Variants in DGKB observed in about 807,000 individuals in gnomAD.
DGKB encodes the protein diacylglycerol kinase beta.
Under a neutral mutation model 114.3 loss-of-function variants are expected in DGKB, and 67 were observed. The ratio of observed to expected loss-of-function variants is 0.59; its 90% CI spans 0.48 to 0.72. The LOEUF is 0.72. DGKB is among the 30% of genes least tolerant of loss of function. DGKB has a pLI of 0.00. For synonymous variants in DGKB, 398 were observed against 323.1 expected (o/e 1.23, Z -2.49); for missense variants, 907 against 975.2 (o/e 0.93, Z 0.93).
At chr7:14,159,219 C>T (rs1358200543) in intron 25 of DGKB, among the ~76,000 whole-genome samples, 1 of 152,142 alleles carries the variant, frequency 6.6e-6, no homozygotes, top group Non-Finnish European at 1.5e-5. Context: ...TGTCTTCCTT[C>T]TGAACCCTGT....
At chr7:14,956,900 T>C (rs1321096562) in intron 1 of DGKB, among the ~76,000 whole-genome samples, 1 of 151,898 alleles carries the variant, frequency 6.6e-6, no homozygotes, top group African/African-American at 2.4e-5. Context: ...AGTTAAACAT[T>C]CTTGTAGCCT....
chr7:14,622,452 C>A (rs1378646379), intron 14 of DGKB, among the ~76,000 whole-genome samples: 4 of 152,066 alleles, frequency 2.6e-5, no homozygotes, highest in African/African-American at 9.7e-5. Context: ...ATGTATAATT[C>A]TTGTTCTGAT....
At chr7:14,753,714 A>T (rs903479637) in intron 4 of DGKB, among the ~76,000 whole-genome samples, 2 of 152,184 alleles carry the variant, frequency 1.3e-5, no homozygotes, top group African/African-American at 4.8e-5. Context: ...CTATTAAGGT[A>T]CCAGCTCCTA....
At chr7:14,546,360 A>G (rs1794280763) in intron 20 of DGKB, among the ~76,000 whole-genome samples, 1 of 152,132 alleles carries the variant, frequency 6.6e-6, no homozygotes, top group African/African-American at 2.4e-5. Flanking sequence ...CTGTGGCTCA[A>G]GTAGAAATAT....
intron 2 of DGKB, among the ~76,000 whole-genome samples, chr7:14,798,904 T>C (rs918999637): frequency 6.6e-6 from 1 of 152,184 alleles, no homozygotes; most frequent in Non-Finnish European, 1.5e-5. Flanking sequence ...TGGAAGACAA[T>C]ACTACCGTCA....
chr7:14,505,468 G>A (rs13234346), intron 20 of DGKB, among the ~76,000 whole-genome samples: 1 of 149,096 alleles, frequency 6.7e-6, no homozygotes, highest in Non-Finnish European at 1.5e-5. Flanking sequence ...AAAAAAAAAA[G>A]AAAAAGAAAA....
At chr7:14,194,865 A>G (rs1784800975) in intron 23 of DGKB, among the ~76,000 whole-genome samples, 1 of 150,760 alleles carries the variant, frequency 6.6e-6, no homozygotes, top group Non-Finnish European at 1.5e-5. Flanking sequence ...AGGAAAGACC[A>G]GAAATCACAG....
chr7:14,931,849 C>T (rs989912892), intron 1 of DGKB, among the ~76,000 whole-genome samples: 7 of 141,332 alleles, frequency 5.0e-5, no homozygotes, highest in East Asian at 2.5e-4. Flanking sequence ...CGGGGTGGGT[C>T]GGGGGGTGGG....
At chr7:14,160,016 A>G (rs1330115975) in intron 25 of DGKB, among the ~76,000 whole-genome samples, 1 of 152,140 alleles carries the variant, frequency 6.6e-6, no homozygotes. Context: ...AGAGTTGTAA[A>G]TTATATTTAT....
chr7:14,345,388 C>A lies in DGKB; in HGVS notation c.1839G>T (p.Met613Ile), dbSNP rs1290899001. 2 of 1,527,988 alleles carry A rather than the reference C, an allele frequency of 1.3e-6. No homozygotes were observed. Among genetic ancestry groups the A allele is most frequent in the African/African-American group, 1.4e-5 (1 of 72,274 alleles). 94.7% of individuals were successfully genotyped at this position (1,527,988 alleles called of 1,614,324 possible). The change falls in exon 22 of 26, where the codon ATG becomes ATT. Residue 613 changes from methionine (M) to isoleucine (I), a missense_variant. By Grantham distance (10) the Met-to-Ile change is conservative. Coordinates refer to ENST00000402815, the MANE Select transcript of DGKB (RefSeq NM_001350709.2). The stretch of plus-strand genomic sequence containing the variant: ...ACTCAAAATACCAAAATTTGTTCTT[C>A]ATTCTGAAAAAGAAAAGGAAGAAGC... The part of the protein sequence containing the change: ...EKHPEKFNSR[M>I]KNKFWYFEFG...
chr7:14,274,018 T>A (rs1798637763), intron 23 of DGKB, among the ~76,000 whole-genome samples: 1 of 152,240 alleles, frequency 6.6e-6, no homozygotes, highest in Admixed American at 6.5e-5. Context: ...GAGATTATTC[T>A]AGACCTCATG....
chr7:14,780,729 G>T (rs1032367334), intron 2 of DGKB, among the ~76,000 whole-genome samples: 3 of 151,792 alleles, frequency 2.0e-5, no homozygotes, highest in Non-Finnish European at 4.4e-5. Flanking sequence ...TCTGCTCTAT[G>T]TGCAAAATAG....
chr7:14,290,434 C>T (rs1801583353), intron 23 of DGKB, among the ~76,000 whole-genome samples: 1 of 152,020 alleles, frequency 6.6e-6, no homozygotes, highest in African/African-American at 2.4e-5. Context: ...ATCCTGCACA[C>T]AAAGAACCCC....
At chr7:14,489,715 A>T (rs1784342754) in intron 20 of DGKB, among the ~76,000 whole-genome samples, 1 of 152,202 alleles carries the variant, frequency 6.6e-6, no homozygotes, top group South Asian at 2.1e-4. Flanking sequence ...ATGAGTGGTC[A>T]CCAGTAACTT....
In DGKB at chr7:14,430,288, A is replaced by C. The variant is rs183852859; in HGVS notation, c.1835+47873T>G. 3.3e-5 allele frequency among the ~76,000 whole-genome samples: 5 copies of C among 152,298 alleles called. No homozygotes were observed. The East Asian group carries it at 7.7e-4, about 24-fold the overall frequency. Reference sequence around the variant, plus strand: ...TATTTCATCAAAGTTCTTTGTCTTGAAAGACTAACAATGCTTGTTAGATTG... The same window carrying C: ...TATTTCATCAAAGTTCTTTGTCTTGCAAGACTAACAATGCTTGTTAGATTG... On this transcript the variant is annotated intron_variant, in intron 21 of 25. Transcript: ENST00000402815.
chr7:14,927,250 T>C (rs564339080), intron 1 of DGKB, among the ~76,000 whole-genome samples: 1 of 152,228 alleles, frequency 6.6e-6, no homozygotes, highest in Admixed American at 6.6e-5. Context: ...TCCTTAACTA[T>C]GACTTCCTTC....
At chr7:14,437,289 AG>A (rs34193769) in intron 21 of DGKB, among the ~76,000 whole-genome samples, 48,005 of 151,836 alleles carry the variant, frequency 0.32, 8,178 homozygotes, top group South Asian at 0.41. Context: ...CAAGTCCATA[AG>A]AATAGAGAAC....
At chr7:14,281,705 T>A (rs1209412443) in intron 23 of DGKB, among the ~76,000 whole-genome samples, 2 of 151,864 alleles carry the variant, frequency 1.3e-5, no homozygotes, top group African/African-American at 4.8e-5. Context: ...GGATTAAGAA[T>A]CTCACTCAAA....
rs1190682805 is a variant in DGKB at position 14,841,400 on chromosome 7, T to G, written c.-137A>C. ...TCAGGCTTTCAAAATATGCAATCTGTCCACATGAAACTGCTTTGGATGCTT... is the reference window on the plus strand; with the variant it reads ...TCAGGCTTTCAAAATATGCAATCTGGCCACATGAAACTGCTTTGGATGCTT... On this transcript the variant is annotated 5_prime_UTR_variant, in exon 2 of 26. Coordinates refer to ENST00000402815, the MANE Select transcript of DGKB (RefSeq NM_001350709.2). 3.1e-6 allele frequency: 2 copies of G among 648,064 alleles called. No homozygotes were observed. The highest frequency in any genetic ancestry group is 3.7e-5 in the African/African-American group (2 of 54,094). 40.1% of individuals were successfully genotyped at this position (648,064 alleles called of 1,614,324 possible). A position where few individuals can be genotyped will look rare whatever the true frequency, so the allele number is the denominator to read the frequency against.
Sources: allele counts gnomAD v4.1 joint callset (sites outside exome capture counted in the v4.1 genomes callset), GRCh38; gene constraint gnomAD v4.1.1; transcripts MANE v1.5; gene names NCBI Gene and HGNC (gene_info 2026-07-23, HGNC 2026-07-21).